STAG1: variants seen among roughly 807,000 people sequenced by gnomAD.
STAG1 encodes cohesin subunit SA-1.
Under a neutral mutation model 170.9 loss-of-function variants are expected in STAG1, and 26 were observed. That is an observed-to-expected ratio of 0.15 (90% confidence interval 0.11 to 0.21). The LOEUF (loss-of-function observed/expected upper bound fraction) is 0.21. STAG1 is among the 10% of genes least tolerant of loss of function. The pLI, the probability that STAG1 is intolerant of heterozygous loss-of-function variation, is 1.00. For missense variants in STAG1, 964 were observed against 1,509.5 expected (o/e 0.64, Z 5.99); for synonymous variants, 514 against 497.7 (o/e 1.03, Z -0.44).
intron 21 of STAG1, among the ~76,000 whole-genome samples, chr3:136,402,755 A>G (rs1029478034): frequency 6.6e-6 from 1 of 151,570 alleles, no homozygotes; most frequent in Non-Finnish European, 1.5e-5. Context: ...TTAACCCAGG[A>G]GGAGAAGGTT....
chr3:136,401,902 G>A (rs985715500), intron 21 of STAG1, among the ~76,000 whole-genome samples: 3 of 151,556 alleles, frequency 2.0e-5, no homozygotes, highest in African/African-American at 7.3e-5. Context: ...GTGCCACCAC[G>A]CCTGACTAAT....
At chr3:136,616,129 C>T (rs1365973316) in intron 3 of STAG1, among the ~76,000 whole-genome samples, 6 of 152,058 alleles carry the variant, frequency 3.9e-5, no homozygotes, top group African/African-American at 1.4e-4. Flanking sequence ...AGTAGCCAGG[C>T]ATGGTGGTGG....
chr3:136,648,114 T>A (rs1442292593), intron 1 of STAG1, among the ~76,000 whole-genome samples: 1 of 152,204 alleles, frequency 6.6e-6, no homozygotes, highest in African/African-American at 2.4e-5. Flanking sequence ...ACAGTAAGTA[T>A]CTAGGGGGTT....
At chr3:136,590,580 C>T (rs1938115579) in intron 4 of STAG1, among the ~76,000 whole-genome samples, 1 of 152,016 alleles carries the variant, frequency 6.6e-6, no homozygotes, top group South Asian at 2.1e-4. Context: ...TACTTTTATG[C>T]TTGAATAACC....
chr3:136,520,956 G>C (rs1477452707), intron 7 of STAG1, among the ~76,000 whole-genome samples: 3 of 152,056 alleles, frequency 2.0e-5, no homozygotes, highest in Non-Finnish European at 1.5e-5. Context: ...AATTTCTTCA[G>C]TTATAAATAA....
intron 1 of STAG1, among the ~76,000 whole-genome samples, chr3:136,697,479 T>C (rs929648133): frequency 4.0e-4 from 61 of 152,198 alleles, no homozygotes; most frequent in Non-Finnish European, 1.2e-4. Flanking sequence ...AATCAGGTTC[T>C]CTGGGGATGA....
intron 6 of STAG1, among the ~76,000 whole-genome samples, chr3:136,538,018 A>C (rs946785280): frequency 6.6e-6 from 1 of 152,178 alleles, no homozygotes; most frequent in African/African-American, 2.4e-5. Context: ...ATTATTATTA[A>C]GACTATTAAA....
At chr3:136,703,066 C>CAAA (rs1157305676) in intron 1 of STAG1, among the ~76,000 whole-genome samples, 1 of 75,728 alleles carries the variant, frequency 1.3e-5, no homozygotes, top group Non-Finnish European at 2.6e-5. Context: ...GACTCCATCT[C>CAAA]AAAAAAAAAA....
intron 1 of STAG1, among the ~76,000 whole-genome samples, chr3:136,644,196 C>T (rs1010519439): frequency 3.9e-5 from 6 of 152,036 alleles, no homozygotes; most frequent in African/African-American, 1.4e-4. Context: ...TGCTTCACTA[C>T]TATAAGAAAA....
intron 1 of STAG1, among the ~76,000 whole-genome samples, chr3:136,749,683 T>C (rs536815031): frequency 1.4e-5 from 2 of 147,686 alleles, no homozygotes; most frequent in East Asian, 4.0e-4. Context: ...GAGGCGGAGG[T>C]TGCAGTGAGC....
At chr3:136,405,791 C>CAAAAAAAAAA (rs34952291) in intron 21 of STAG1, among the ~76,000 whole-genome samples, 15 of 50,098 alleles carry the variant, frequency 3.0e-4, no homozygotes, top group African/African-American at 8.9e-4. Flanking sequence ...ACTCTATCTC[C>CAAAAAAAAAA]AAAAAAAAAA....
intron 16 of STAG1, among the ~76,000 whole-genome samples, chr3:136,429,093 C>T (rs554220527): frequency 3.3e-5 from 5 of 152,186 alleles, no homozygotes; most frequent in African/African-American, 7.2e-5. Context: ...GCCCAGATAG[C>T]ATCATTGCAC....
chr3:136,425,735 TATATAC>T (rs904514953), intron 16 of STAG1, among the ~76,000 whole-genome samples: 15 of 147,594 alleles, frequency 1.0e-4, no homozygotes, highest in Middle Eastern at 3.6e-3. Flanking sequence ...TATATAAACA[TATATAC>T]ATATACATAT....
At chr3:136,661,460 C>T (rs573423831) in intron 1 of STAG1, among the ~76,000 whole-genome samples, 95 of 152,244 alleles carry the variant, frequency 6.2e-4, no homozygotes, top group African/African-American at 2.2e-3. Context: ...AGGTGCACAA[C>T]AGTTTATTCA....
chr3:136,700,151 A>G (rs1378414427), intron 1 of STAG1, among the ~76,000 whole-genome samples: 2 of 147,660 alleles, frequency 1.4e-5, no homozygotes, highest in African/African-American at 5.0e-5. Context: ...CCAGTTCCTA[A>G]TTTTCATATA....
chr3:136,457,412 C>G (rs1231001488), intron 13 of STAG1, among the ~76,000 whole-genome samples: 2 of 152,170 alleles, frequency 1.3e-5, no homozygotes, highest in African/African-American at 2.4e-5. Flanking sequence ...CGCTACCTTT[C>G]TACCCCTACG....
chr3:136,609,306 C>T (rs1939134509), intron 3 of STAG1: 5 of 150,498 alleles, frequency 3.3e-5, no homozygotes, highest in Admixed American at 3.3e-4. Flanking sequence ...CCTGTCTAGA[C>T]AAAAAATTAC....
chr3:136,569,633 A>G (rs1937199298), intron 4 of STAG1, among the ~76,000 whole-genome samples: 1 of 152,046 alleles, frequency 6.6e-6, no homozygotes, highest in Non-Finnish European at 1.5e-5. Context: ...CCTACAGTTG[A>G]TAAGAAAACC....
chr3:136,631,250 A>C (rs1227968691), intron 1 of STAG1, among the ~76,000 whole-genome samples: 2 of 152,242 alleles, frequency 1.3e-5, no homozygotes, highest in Non-Finnish European at 2.9e-5. Flanking sequence ...TTAGCTTGAG[A>C]GCCTTGAAAA....
Sources: allele counts gnomAD v4.1 joint callset (sites outside exome capture counted in the v4.1 genomes callset), GRCh38; gene constraint gnomAD v4.1.1; transcripts MANE v1.5; gene names NCBI Gene and HGNC (gene_info 2026-07-23, HGNC 2026-07-21).